Variants in SLC9B1 observed in about 807,000 individuals in gnomAD.
SLC9B1 encodes sodium/hydrogen exchanger 9B1.
SLC9B1 carries 32 observed loss-of-function variants against 51.7 expected under a neutral mutation model. The ratio of observed to expected loss-of-function variants is 0.62; its 90% confidence interval spans 0.47 to 0.83. SLC9B1 has a LOEUF of 0.83. SLC9B1 is among the 40% of genes least tolerant of loss of function. SLC9B1 has a pLI of 0.00. For synonymous variants in SLC9B1, 145 were observed against 212.7 expected, an observed-to-expected ratio of 0.68 and a Z score of 2.77; for missense variants, 406 against 613.2, an observed-to-expected ratio of 0.66 and a Z score of 3.57.
At chr4:102,897,558 T>C, downstream of SLC9B1, 1 of 306,584 alleles carries the variant, frequency 3.3e-6, no homozygotes, top group South Asian at 3.1e-5. Context: ...GCCAGCACCT[T>C]CTTCAATTTA....
intron 1 of SLC9B1, among the ~76,000 whole-genome samples, chr4:103,001,820 T>C (rs1036923011): frequency 2.0e-5 from 3 of 152,216 alleles, no homozygotes; most frequent in Admixed American, 2.0e-4. Context: ...CAATTTTCTG[T>C]ATTAGTCCCA....
chr4:102,988,086 GAGA>G (rs1739745717), intron 3 of SLC9B1, among the ~76,000 whole-genome samples: 1 of 152,056 alleles, frequency 6.6e-6, no homozygotes, highest in Non-Finnish European at 1.5e-5. Flanking sequence ...AATTTTAATG[GAGA>G]AGTTCTGTCC....
intron 3 of SLC9B1, among the ~76,000 whole-genome samples, chr4:102,974,038 C>A (rs1738901929): frequency 6.6e-6 from 1 of 151,748 alleles, no homozygotes; most frequent in Non-Finnish European, 1.5e-5. Flanking sequence ...GAGTTCAAGA[C>A]CAGCTTGGCC....
At chr4:102,927,188 G>T (rs141454019) in intron 7 of SLC9B1, among the ~76,000 whole-genome samples, 2,694 of 152,228 alleles carry the variant, frequency 0.018, 32 homozygotes, top group Non-Finnish European at 0.023. Context: ...CCATAGGCAT[G>T]GGCGAGGTCT....
At chr4:103,011,435 C>G (rs1217480976) in intron 1 of SLC9B1, among the ~76,000 whole-genome samples, 1 of 152,148 alleles carries the variant, frequency 6.6e-6, no homozygotes, top group Non-Finnish European at 1.5e-5. Context: ...GAATTGCACA[C>G]TGGTATCTCT....
rs529197419 is a variant in SLC9B1 at position 102,943,912 on chromosome 4, A to G, written c.653+1281T>C. Among the ~76,000 whole-genome samples the G allele has an allele frequency of 5.3e-5, 8 of 152,288 alleles. No homozygotes were observed. In the South Asian group the frequency reaches 1.5e-3, roughly 28 times the overall value. On this transcript the variant is annotated intron_variant, in intron 6 of 11. Coordinates refer to ENST00000296422, the MANE Select transcript of SLC9B1 (RefSeq NM_139173.4). ...AATGAAAAAAGAAAAAAGACATGAG[A>G]TCAACCTAAATGCCCATCAATGGTG... is the stretch of plus-strand genomic sequence containing the variant.
chr4:102,992,758 A>ATG (rs2110520391), intron 1 of SLC9B1, among the ~76,000 whole-genome samples: 1 of 152,300 alleles, frequency 6.6e-6, no homozygotes, highest in Non-Finnish European at 1.5e-5. Context: ...CATTAGAATG[A>ATG]TGTATTAGTC....
intron 3 of SLC9B1, among the ~76,000 whole-genome samples, chr4:102,970,647 T>C (rs549128912): frequency 1.3e-5 from 2 of 152,110 alleles, no homozygotes. Flanking sequence ...ATATTAACCT[T>C]AAATGTAAAT....
intron 6 of SLC9B1, among the ~76,000 whole-genome samples, chr4:102,933,545 T>C (rs1736567102): frequency 6.6e-6 from 1 of 152,222 alleles, no homozygotes; most frequent in African/African-American, 2.4e-5. Context: ...ATGACTTCTG[T>C]GGGTCAGGAA....
Position 102,904,309 on chromosome 4 carries a change from C to T in SLC9B1, c.1332+1205G>A, listed in dbSNP as rs539455730. 1.3e-3 allele frequency among the ~76,000 whole-genome samples: 199 copies of T among 152,162 alleles called. 1 individual carries two copies. Among genetic ancestry groups the T allele is most frequent in the African/African-American group, 4.7e-3 (195 of 41,540 alleles). On this transcript the variant is annotated intron_variant, in intron 11 of 11. Coordinates refer to ENST00000296422, the MANE Select transcript of SLC9B1 (RefSeq NM_139173.4). Reference sequence around the variant, plus strand: ...TCCTGAGCTCAAGTGATCTGCCTGCCTCAGCCTCCCGAAGTGCTAGGATTC... The same window carrying T: ...TCCTGAGCTCAAGTGATCTGCCTGCTTCAGCCTCCCGAAGTGCTAGGATTC...
chr4:102,938,331 A>C (rs1736823658), intron 6 of SLC9B1, among the ~76,000 whole-genome samples: 1 of 152,264 alleles, frequency 6.6e-6, no homozygotes, highest in Non-Finnish European at 1.5e-5. Flanking sequence ...TAACTGTCTA[A>C]AAGATAAATG....
At chr4:102,897,401 T>C (rs4642252), downstream of SLC9B1, 85,272 of 156,398 alleles carry the variant, frequency 0.55, 23,911 homozygotes, top group African/African-American at 0.69. Context: ...ATGGTAGAAT[T>C]GTGGGCACTG....
intron 7 of SLC9B1, among the ~76,000 whole-genome samples, chr4:102,921,370 T>C (rs1024184343): frequency 6.6e-5 from 10 of 152,162 alleles, no homozygotes; most frequent in African/African-American, 2.4e-4. Context: ...CTGAGAGATT[T>C]TGTCACCACC....
At chr4:102,984,716 G>C (rs1021481621) in intron 3 of SLC9B1, among the ~76,000 whole-genome samples, 8 of 152,144 alleles carry the variant, frequency 5.3e-5, no homozygotes, top group African/African-American at 1.7e-4. Flanking sequence ...GTTGACTGAT[G>C]ATACTGTTGA....
intron 1 of SLC9B1, among the ~76,000 whole-genome samples, chr4:102,996,712 T>A (rs1740240819): frequency 6.6e-6 from 1 of 152,194 alleles, no homozygotes; most frequent in Non-Finnish European, 1.5e-5. Context: ...TAATCACACA[T>A]ATATGAATTT....
intron 7 of SLC9B1, among the ~76,000 whole-genome samples, chr4:102,925,670 C>T (rs907681188): frequency 8.9e-6 from 1 of 111,952 alleles, no homozygotes. Flanking sequence ...TTGAAAACAT[C>T]AAAAAAATTA....
chr4:102,916,184 T>A (rs1735568250), intron 7 of SLC9B1, among the ~76,000 whole-genome samples: 1 of 152,138 alleles, frequency 6.6e-6, no homozygotes, highest in African/African-American at 2.4e-5. Context: ...AAATATATAC[T>A]ATATGCAAGA....
chr4:103,019,440 G>A (rs957938796), intron 1 of SLC9B1, among the ~76,000 whole-genome samples, 159 bp downstream of exon 1: 4 of 152,192 alleles, frequency 2.6e-5, no homozygotes, highest in Non-Finnish European at 5.9e-5. Context: ...CAATGTCTGT[G>A]GCTGTTCCCT....
At chr4:102,991,571 G>T in intron 2 of SLC9B1, 72 bp downstream of exon 2, 1 of 1,062,670 alleles carries the variant, frequency 9.4e-7, no homozygotes, top group Non-Finnish European at 1.3e-6. Flanking sequence ...TATCTAATAA[G>T]TAAATTAGGA....
Sources: allele counts gnomAD v4.1 joint callset (sites outside exome capture counted in the v4.1 genomes callset), GRCh38; gene constraint gnomAD v4.1.1; transcripts MANE v1.5; gene names NCBI Gene and HGNC (gene_info 2026-07-23, HGNC 2026-07-21).